Variants in PTPRK observed in about 807,000 individuals in gnomAD.
The protein encoded by PTPRK is protein tyrosine phosphatase receptor type K.
Under a neutral mutation model 178.0 loss-of-function variants are expected in PTPRK, and 75 were observed. The ratio of observed to expected loss-of-function variants is 0.42; its 90% CI spans 0.35 to 0.51. PTPRK has a LOEUF of 0.51. PTPRK is among the 20% of genes least tolerant of loss of function. The pLI, the probability that PTPRK is intolerant of heterozygous loss-of-function variation, is 0.02. For synonymous variants in PTPRK, 637 were observed against 620.6 expected (o/e 1.03, Z -0.39); for missense variants, 1,441 against 1,797.8 (o/e 0.80, Z 3.59).
intron 11 of PTPRK, among the ~76,000 whole-genome samples, chr6:128,071,512 T>C (rs4598101): frequency 0.86 from 130,900 of 152,000 alleles, 56,535 homozygotes; most frequent in East Asian, 0.99. Context: ...TCTGGACCTC[T>C]GCAGCATGCT....
intron 1 of PTPRK, among the ~76,000 whole-genome samples, chr6:128,508,152 C>T (rs1856635202): frequency 6.6e-6 from 1 of 152,106 alleles, no homozygotes. Context: ...AACAAAGCCC[C>T]AAGCTTCACT....
intron 7 of PTPRK, 43 bp downstream of exon 7, chr6:128,184,389 A>G: frequency 6.3e-7 from 1 of 1,579,458 alleles, no homozygotes; most frequent in Non-Finnish European, 8.7e-7. Flanking sequence ...GTCTTATGCT[A>G]GATTCCTTCA....
intron 13 of PTPRK, among the ~76,000 whole-genome samples, chr6:128,017,761 C>CTT (rs1402303274): frequency 6.5e-5 from 1 of 15,422 alleles, no homozygotes; most frequent in Non-Finnish European, 9.8e-5. Context: ...AATATATATA[C>CTT]ATATATAAAT....
chr6:128,493,560 CA>C lies in PTPRK; in HGVS notation c.100+26698del, dbSNP rs1339085007. Reference sequence around the variant, plus strand: ...TGGGTGAAAGAGCGAGACTCCGTCTCAAAAAAAAAAAAAAAGTACCTCCCGC... The same window carrying C: ...TGGGTGAAAGAGCGAGACTCCGTCTCAAAAAAAAAAAAAAGTACCTCCCGC... On this transcript the variant is annotated intron_variant, in intron 1 of 29. Coordinates refer to ENST00000368226, the MANE Select transcript of PTPRK (RefSeq NM_002844.4). Among the ~76,000 whole-genome samples, 310 of 106,676 alleles carry C rather than the reference CA, an allele frequency of 2.9e-3. 1 individual carries two copies. The highest frequency in any genetic ancestry group is 7.3e-3 in the East Asian group (24 of 3,266). The allele number at this position is 106,676 out of a possible 152,430, so 70.0% of individuals were successfully genotyped here.
rs775654572 is a variant in PTPRK at position 128,083,794 on chromosome 6, T to C, written c.1496A>G (p.Gln499Arg). ...GATCTTATTTTCAAAGGATGTTCCT[T>C]GAAGAGATTTTACTGGTACGGGACC... ...VPGPVPVKSL[Q>R]GTSFENKIFL... Residue 499 changes from glutamine (Q) to arginine (R), a missense_variant, in exon 9 of 30, where the codon CAA becomes CGA. Physicochemically the swap from Gln to Arg is conservative, Grantham distance 43. Coordinates refer to ENST00000368226, the MANE Select transcript of PTPRK (RefSeq NM_002844.4). The C allele has an allele frequency of 3.1e-6, 5 of 1,604,000 alleles. No homozygotes were observed. In the African/African-American group the frequency reaches 6.7e-5, roughly 22 times the overall value.
chr6:128,352,230 G>C (rs1833258953), intron 2 of PTPRK, among the ~76,000 whole-genome samples: 1 of 120,534 alleles, frequency 8.3e-6, no homozygotes, highest in Admixed American at 1.0e-4. Context: ...CTCCAGCCTG[G>C]GTGACAGAGC....
At chr6:128,029,998 T>C (rs9482858) in intron 13 of PTPRK, among the ~76,000 whole-genome samples, 21,539 of 152,040 alleles carry the variant, frequency 0.14, 1,731 homozygotes, top group African/African-American at 0.19. Flanking sequence ...GAGAATGTGG[T>C]ATTAGCATAA....
intron 13 of PTPRK, among the ~76,000 whole-genome samples, chr6:128,018,228 C>T (rs767747620): frequency 4.6e-5 from 7 of 151,768 alleles, no homozygotes; most frequent in Non-Finnish European, 8.8e-5. Context: ...TATATATTTG[C>T]CCAATGAATA....
Position 128,135,681 on chromosome 6 carries a change from C to T in PTPRK, c.1163-45689G>A, listed in dbSNP as rs569068002. Among the ~76,000 whole-genome samples the T allele has an allele frequency of 3.9e-5, 6 of 152,172 alleles. No individual in the cohort carries two copies. In the East Asian group the frequency reaches 7.7e-4, roughly 20 times the overall value. On this transcript the variant is annotated intron_variant, in intron 7 of 29. Coordinates refer to ENST00000368226, the MANE Select transcript of PTPRK (RefSeq NM_002844.4). ...AATCCTGCACTAGGATATCCCTATG[C>T]CCTCTGAGCCTCAAAATGCTGCTAA...
chr6:128,367,804 A>T (rs1015133617), intron 2 of PTPRK, among the ~76,000 whole-genome samples: 1 of 152,192 alleles, frequency 6.6e-6, no homozygotes, highest in Admixed American at 6.5e-5. Context: ...TTCTTAGCAC[A>T]TAATAGCAAT....
chr6:128,254,282 C>T (rs1025946431), intron 3 of PTPRK, among the ~76,000 whole-genome samples: 1 of 151,970 alleles, frequency 6.6e-6, no homozygotes, highest in Non-Finnish European at 1.5e-5. Context: ...AGCTATATAA[C>T]GTTTAAATAG....
intron 13 of PTPRK, among the ~76,000 whole-genome samples, chr6:128,019,840 G>A (rs1291905214): frequency 5.3e-5 from 8 of 152,148 alleles, no homozygotes; most frequent in Admixed American, 1.3e-4. Flanking sequence ...CTTGGTGACT[G>A]TGTTAGATTT....
chr6:128,392,958 A>G (rs1485395694), intron 2 of PTPRK, among the ~76,000 whole-genome samples: 2 of 152,184 alleles, frequency 1.3e-5, no homozygotes, highest in African/African-American at 4.8e-5. Flanking sequence ...TAACAAGAGG[A>G]AAAACATCTT....
At position 128,001,257 on chromosome 6, in the gene PTPRK, T is replaced by C. The variant is rs991792423; in HGVS notation, c.2495-2353A>G. 3.5e-6 allele frequency: 5 copies of C among 1,446,334 alleles called. No individual in the cohort carries two copies. In the Admixed American group the frequency reaches 8.2e-5, roughly 24 times the overall value. 89.6% of individuals were successfully genotyped at this position (1,446,334 alleles called of 1,614,324 possible). On this transcript the variant is annotated intron_variant, in intron 15 of 29. Transcript: ENST00000368226. The stretch of plus-strand genomic sequence containing the variant: ...CACAAAAACCAAAAATACGAATCAG[T>C]ATGAAAAGTTTCTAAGCCCTTTTAA...
intron 7 of PTPRK, among the ~76,000 whole-genome samples, chr6:128,099,159 A>T (rs1582999777): frequency 1.3e-5 from 2 of 150,690 alleles, no homozygotes; most frequent in South Asian, 4.1e-4. Flanking sequence ...TTGACTGAAT[A>T]GGACAGAAAA....
At position 128,240,105 on chromosome 6, in the gene PTPRK, G is replaced by T. The variant is rs1180710136; in HGVS notation, c.623C>A (p.Ala208Glu). The change falls in exon 5 of 30, where the codon GCA becomes GAA. Residue 208 changes from alanine to glutamate, a missense_variant. Transcript: ENST00000368226. ...FLRLGDVEVN[A>E]GQNATFQCIA... is the part of the protein sequence containing the mutation. ...GCACTGAAATGTAGCGTTTTGCCCT[G>T]CATTCACCTCTACATCCCCTAGACG... The T allele has an allele frequency of 6.2e-7, 1 of 1,613,972 alleles. No homozygotes were observed. Among genetic ancestry groups the T allele is most frequent in the Non-Finnish European group, 8.5e-7 (1 of 1,179,914 alleles).
rs1803106065 is a variant in PTPRK, at chr6:128,188,193, C to T, written c.869-3468G>A. 5.3e-5 allele frequency among the ~76,000 whole-genome samples: 8 copies of T among 152,238 alleles called. No individual in the cohort carries two copies. The South Asian group carries it at 1.7e-3, about 32-fold the overall frequency. Reference sequence around the variant, plus strand: ...CAATTAATGACTTACATTCATTATTCTAGAACTGAACCTATTATAAAACCC... The same window carrying T: ...CAATTAATGACTTACATTCATTATTTTAGAACTGAACCTATTATAAAACCC... On this transcript the variant is annotated intron_variant, in intron 6 of 29. Transcript: ENST00000368226.
chr6:127,987,560 T>C (rs966723366), intron 21 of PTPRK, among the ~76,000 whole-genome samples: 2 of 152,138 alleles, frequency 1.3e-5, no homozygotes, highest in Non-Finnish European at 2.9e-5. Context: ...CTCATGAATA[T>C]TTATGCAGAT....
Position 128,242,619 on chromosome 6 carries a change from G to C in PTPRK, c.496-17C>G, listed in dbSNP as rs1814671278. The C allele has an allele frequency of 6.2e-6, 10 of 1,609,304 alleles. No homozygotes were observed. Among genetic ancestry groups the C allele is most frequent in the African/African-American group, 1.3e-5 (1 of 74,776 alleles). ...AAATATTACCTGTCAAAAAGAAACA[G>C]AAAATATTTACAACAATAGTTTTCA... On this transcript the variant is annotated splice_polypyrimidine_tract_variant and intron_variant, in intron 3 of 29. Transcript: ENST00000368226.
Sources: gnomAD v4.1 joint callset for allele counts (sites outside exome capture counted in the v4.1 genomes callset) on GRCh38, gnomAD v4.1.1 for gene constraint, MANE v1.5 for transcripts, NCBI Gene and HGNC (gene_info 2026-07-23, HGNC 2026-07-21) for gene names.